The following HDAC4 variants were observed in gnomAD, a reference collection of about 807,000 sequenced individuals.
HDAC4 encodes histone deacetylase A.
Under a neutral mutation model 135.1 loss-of-function variants are expected in HDAC4, and 16 were observed. That is an observed-to-expected ratio of 0.12 (90% CI 0.08 to 0.18). The LOEUF (loss-of-function observed/expected upper bound fraction) is 0.18, where lower values mean the gene tolerates loss of function less well. Ranked by LOEUF, HDAC4 falls within the 10% of genes least tolerant of loss-of-function variation. The probability of loss-of-function intolerance (pLI) is 1.00; values close to 1 mark genes in which losing one functional copy is unlikely to be tolerated. For synonymous variants in HDAC4, 685 were observed against 653.4 expected (o/e 1.05, Z -0.74); for missense variants, 1,143 against 1,511.8 (o/e 0.76, Z 4.05).
rs115531610 is a variant in HDAC4, at chr2:239,094,165, G to A, written c.2280+845C>T. 7.2e-3 allele frequency: 7,120 copies of A among 985,366 alleles called. 29 individuals are homozygous for A. The highest frequency in any genetic ancestry group is 8.1e-3 in the Non-Finnish European group (6,689 of 829,922). The allele number at this position is 985,366 out of a possible 1,614,324, so 61.0% of individuals were successfully genotyped here. A position where few individuals can be genotyped will look rare whatever the true frequency, so the allele number is the denominator to read the frequency against. On this transcript the variant is annotated intron_variant, in intron 17 of 26. Transcript: ENST00000543185. ...TGCCTGTAACCGTCTGTGGTGATTCGCGGCACTGCAGGACCATGATGGCCC... is the reference window on the plus strand; with the variant it reads ...TGCCTGTAACCGTCTGTGGTGATTCACGGCACTGCAGGACCATGATGGCCC...
rs1374569399 is a variant in HDAC4, at chr2:239,068,016, C to G, written c.2869+473G>C. Among the ~76,000 whole-genome samples, 1 of 152,216 alleles carries G rather than the reference C, an allele frequency of 6.6e-6. No homozygotes were observed. ...CTGCTGGGCAGTCCCTCCTCCCATC[C>G]TGACAGCATGGCCCCTAACGCTGAT... On this transcript the variant is annotated intron_variant, in intron 23 of 26. Transcript: ENST00000543185. This position sits in a 1 kb window ranked among gnomAD's most constrained non-coding sequence, Gnocchi z 4.4.
At chr2:239,193,729 G>A (rs546039851) in intron 3 of HDAC4, among the ~76,000 whole-genome samples, 11 of 152,390 alleles carry the variant, frequency 7.2e-5, no homozygotes, top group Admixed American at 5.9e-4. Context: ...CAGCTTCTCA[G>A]GACAAAGTGG....
intron 2 of HDAC4, among the ~76,000 whole-genome samples, chr2:239,257,202 A>G (rs1404055205): frequency 6.6e-6 from 1 of 152,126 alleles, no homozygotes; most frequent in Non-Finnish European, 1.5e-5. Context: ...CTGAATATCG[A>G]TATTTAATAA....
chr2:239,187,009 C>G (rs769348324), intron 4 of HDAC4: 1 of 152,598 alleles, frequency 6.6e-6, no homozygotes, highest in East Asian at 1.9e-4. Flanking sequence ...ACAGCCATGG[C>G]GGCTTCGGGG....
intron 1 of HDAC4, among the ~76,000 whole-genome samples, chr2:239,362,231 A>G (rs967536325): frequency 6.6e-6 from 1 of 152,172 alleles, no homozygotes; most frequent in Non-Finnish European, 1.5e-5. Flanking sequence ...ACATAAAGAC[A>G]TCTCTCTCTT....
Position 239,102,852 on chromosome 2 carries a change from C to T in HDAC4, c.2157G>A (p.Val719=). 1.2e-6 allele frequency: 2 copies of T among 1,613,968 alleles called. No individual in the cohort carries two copies. The highest frequency in any genetic ancestry group is 1.7e-6 in the Non-Finnish European group (2 of 1,179,998). ...RKATLEELQT[V]HSEAHTLLYG... ...ACAGGAGGGTGTGGGCTTCCGAGTG[C>T]ACCGTCTGTAGCTCCTCCAGGGTGG... is the stretch of plus-strand genomic sequence containing the variant. The change falls in exon 16 of 27, where the codon GTG becomes GTA. Residue 719 remains valine (V), a synonymous_variant. Transcript: ENST00000543185.
intron 7 of HDAC4, among the ~76,000 whole-genome samples, chr2:239,152,102 G>C (rs574945415): frequency 6.6e-6 from 1 of 152,216 alleles, no homozygotes; most frequent in South Asian, 2.1e-4. Context: ...TCACGATGAA[G>C]ATGTTACTGG....
At chr2:239,251,675 A>G (rs890364764) in intron 2 of HDAC4, among the ~76,000 whole-genome samples, 1 of 152,092 alleles carries the variant, frequency 6.6e-6, no homozygotes, top group Non-Finnish European at 1.5e-5. Flanking sequence ...AGATGCCCCA[A>G]TCTACCTCCT....
intron 2 of HDAC4, among the ~76,000 whole-genome samples, chr2:239,305,127 C>T (rs552378127): frequency 6.6e-6 from 1 of 152,168 alleles, no homozygotes; most frequent in Non-Finnish European, 1.5e-5. Context: ...AGGCTCACCA[C>T]GTTTCTTCAA....
rs770983756 is a variant in HDAC4 at position 239,181,433 on chromosome 2, G to A, written c.340-4870C>T. ...GGGAGAGGGGGCACCCACCACGCCC[G>A]GCAGCAGCGTGTGCGCAGGAGGGGC... On this transcript the variant is annotated intron_variant, in intron 4 of 26. Transcript: ENST00000543185. 1.2e-4 allele frequency among the ~76,000 whole-genome samples: 18 copies of A among 152,252 alleles called. No homozygotes were observed. In the South Asian group the frequency reaches 1.2e-3, roughly 10 times the overall value.
At chr2:239,205,023 A>G (rs2153082701) in intron 3 of HDAC4, among the ~76,000 whole-genome samples, 1 of 152,230 alleles carries the variant, frequency 6.6e-6, no homozygotes, top group East Asian at 1.9e-4. Context: ...CCCGTCCCCG[A>G]GCCGCCTCTG....
At chr2:239,060,532 T>A (rs1352332531) in intron 24 of HDAC4, among the ~76,000 whole-genome samples, 1 of 152,228 alleles carries the variant, frequency 6.6e-6, no homozygotes, top group Non-Finnish European at 1.5e-5. Context: ...GAAGGGACCC[T>A]GGAGCCCTGC....
At chr2:239,212,767 A>C (rs1001873632) in intron 3 of HDAC4, among the ~76,000 whole-genome samples, 3 of 152,178 alleles carry the variant, frequency 2.0e-5, no homozygotes, top group African/African-American at 7.2e-5. Flanking sequence ...CTCTGGGCTA[A>C]GAGAACAGGA....
rs144581527 is a variant in HDAC4, at chr2:239,291,249, G to A, written c.23-54585C>T. Among the ~76,000 whole-genome samples, 56 of 152,350 alleles carry A rather than the reference G, an allele frequency of 3.7e-4. No individual in the cohort carries two copies. The East Asian group carries it at 9.8e-3, about 27-fold the overall frequency. On this transcript the variant is annotated intron_variant, in intron 2 of 26. Coordinates refer to ENST00000543185, the MANE Select transcript of HDAC4 (RefSeq NM_001378414.1). ...ACTGAAAAGCATGGCGGGTAAGAAC[G>A]TTCCAAGGCATGGCTCGCCTGCCAG...
chr2:239,397,625 G>A (rs757501824), intron 1 of HDAC4, among the ~76,000 whole-genome samples: 2 of 152,166 alleles, frequency 1.3e-5, no homozygotes, highest in Non-Finnish European at 2.9e-5. Flanking sequence ...AAGGGGACAT[G>A]GCCATTTAAT....
At chr2:239,382,247 G>A (rs924712613) in intron 1 of HDAC4, among the ~76,000 whole-genome samples, 1 of 152,234 alleles carries the variant, frequency 6.6e-6, no homozygotes, top group Non-Finnish European at 1.5e-5. Flanking sequence ...TAAATGAATA[G>A]AATTAATGGA....
chr2:239,073,078 T>G (rs1399554429), intron 22 of HDAC4, among the ~76,000 whole-genome samples: 1 of 152,222 alleles, frequency 6.6e-6, no homozygotes, highest in Non-Finnish European at 1.5e-5. Context: ...TTCAGCCTGT[T>G]CAAGTCAGTG....
chr2:239,066,258 G>A (rs2033466579), intron 24 of HDAC4, among the ~76,000 whole-genome samples: 1 of 152,178 alleles, frequency 6.6e-6, no homozygotes, highest in Admixed American at 6.5e-5. Context: ...CCTGTCCCTG[G>A]GGGCTCAGAG....
chr2:239,139,599 C>G lies in HDAC4; in HGVS notation c.978+85G>C, dbSNP rs577019368. 3.3e-6 allele frequency: 4 copies of G among 1,212,626 alleles called. No individual in the cohort carries two copies. Among genetic ancestry groups the G allele is most frequent in the Non-Finnish European group, 4.9e-6 (4 of 814,466 alleles). The allele number at this position is 1,212,626 out of a possible 1,614,324, so 75.1% of individuals were successfully genotyped here. Reference sequence around the variant, plus strand: ...AAATTGGAAGGTGAAGAGTGAAGGGCAAGTGCAAAGTGGGGTCATTTCAAG... The same window carrying G: ...AAATTGGAAGGTGAAGAGTGAAGGGGAAGTGCAAAGTGGGGTCATTTCAAG... On this transcript the variant is annotated intron_variant, in intron 9 of 26. Transcript: ENST00000543185. This position sits in a 1 kb window ranked among gnomAD's most constrained non-coding sequence, Gnocchi z 5.3.
Sources: gnomAD v4.1 joint callset for allele counts (sites outside exome capture counted in the v4.1 genomes callset) on GRCh38, gnomAD v4.1.1 for gene constraint, Gnocchi (gnomAD v3.1) non-coding constraint, MANE v1.5 for transcripts, NCBI Gene and HGNC (gene_info 2026-07-23, HGNC 2026-07-21) for gene names.